Variants in SCN2A observed in about 807,000 individuals in gnomAD.
The protein encoded by SCN2A is sodium channel protein type 2 subunit alpha.
A neutral mutation model predicts 188.7 loss-of-function variants in SCN2A; 20 were observed. The observed-to-expected ratio is 0.11, with a 90% CI of 0.07 to 0.15. The LOEUF is 0.15. Among genes scored for constraint, SCN2A ranks in the 10% least tolerant of loss-of-function variants. The pLI is 1.00. For missense variants in SCN2A, 1,278 were observed against 2,445.0 expected, an observed-to-expected ratio of 0.52 and a Z score of 10.07; for synonymous variants, 804 against 833.1, an observed-to-expected ratio of 0.97 and a Z score of 0.60.
intron 20 of SCN2A, 73 bp downstream of exon 20, chr2:165,370,372 G>A (rs1306996886): frequency 7.0e-7 from 1 of 1,419,420 alleles, no homozygotes; most frequent in African/African-American, 1.4e-5. Context: ...GCCTGACACA[G>A]TGTAGGCACT....
chr2:165,363,672 A>G (rs1700576767), intron 17 of SCN2A, among the ~76,000 whole-genome samples: 1 of 152,174 alleles, frequency 6.6e-6, no homozygotes, highest in Non-Finnish European at 1.5e-5. Context: ...GAACAAATAT[A>G]TTCAAATTTT....
In SCN2A at chr2:165,344,672, A is replaced by G; in HGVS notation, c.2680A>G (p.Ile894Val). Residue 894 changes from isoleucine (I) to valine (V), a missense_variant, in exon 16 of 27, where the codon ATT becomes GTT. By Grantham distance (29) the Ile-to-Val change is conservative. Coordinates refer to ENST00000375437, the MANE Select transcript of SCN2A (RefSeq NM_001040142.2). ...LTLVLAIIVF[I>V]FAVVGMQLFG... ...CTTGGTATTGGCCATCATCGTCTTC[A>G]TTTTTGCTGTGGTCGGCATGCAGCT... 6.2e-7 allele frequency: 1 copy of G among 1,614,052 alleles called. No individual in the cohort carries two copies. The highest frequency in any genetic ancestry group is 8.5e-7 in the Non-Finnish European group (1 of 1,180,008).
At chr2:165,379,952 CAG>C (rs1163633668) in intron 23 of SCN2A, among the ~76,000 whole-genome samples, 1 of 151,790 alleles carries the variant, frequency 6.6e-6, no homozygotes, top group Non-Finnish European at 1.5e-5. Context: ...GTTACAGAAA[CAG>C]TCCCTACTGA....
intron 10 of SCN2A, 53 bp downstream of exon 10, chr2:165,314,161 C>T: frequency 6.4e-7 from 1 of 1,565,772 alleles, no homozygotes; most frequent in South Asian, 1.1e-5. Context: ...AATTCTTTAA[C>T]CTAAATGTTG....
chr2:165,316,629 G>A (rs1028159909), intron 11 of SCN2A, among the ~76,000 whole-genome samples: 1 of 152,106 alleles, frequency 6.6e-6, no homozygotes, highest in African/African-American at 2.4e-5. Context: ...CAATATTAAT[G>A]CATTAAGCCT....
chr2:165,241,914 G>A (rs540610449), intron 1 of SCN2A, among the ~76,000 whole-genome samples: 1 of 152,144 alleles, frequency 6.6e-6, no homozygotes, highest in Non-Finnish European at 1.5e-5. Flanking sequence ...CTTATTCCAG[G>A]TACATAGGTG....
At chr2:165,264,081 T>G (rs1207513186) in intron 1 of SCN2A, among the ~76,000 whole-genome samples, 2 of 152,120 alleles carry the variant, frequency 1.3e-5, no homozygotes, top group African/African-American at 2.4e-5. Flanking sequence ...AATTATGTCC[T>G]CAGCAAACAG....
intron 5 of SCN2A, chr2:165,309,098 C>G: frequency 1.3e-6 from 2 of 1,539,208 alleles, no homozygotes; most frequent in Non-Finnish European, 1.8e-6. Context: ...TTAAAAAGGT[C>G]TTGATGAAAG....
rs762766958 is a variant in SCN2A, at chr2:165,323,989, T to C, written c.2016+489T>C. Among the ~76,000 whole-genome samples the C allele has an allele frequency of 2.3e-4, 35 of 152,340 alleles. No individual in the cohort carries two copies. The Middle Eastern group carries it at 0.021, about 89-fold the overall frequency. On this transcript the variant is annotated intron_variant, in intron 12 of 26. Transcript: ENST00000375437. Reference sequence around the variant, plus strand: ...GCAGGTCAGAGTGTTGTAACCTTTTTAGCATCCACTCTAATGATCTCAACC... The same window carrying C: ...GCAGGTCAGAGTGTTGTAACCTTTTCAGCATCCACTCTAATGATCTCAACC...
At chr2:165,278,486 C>G (rs943931536) in intron 1 of SCN2A, among the ~76,000 whole-genome samples, 2 of 152,152 alleles carry the variant, frequency 1.3e-5, no homozygotes, top group African/African-American at 4.8e-5. Context: ...CTCATTATCA[C>G]AAGAACAGCA....
intron 16 of SCN2A, among the ~76,000 whole-genome samples, chr2:165,353,006 G>A (rs548601596): frequency 1.5e-4 from 22 of 150,102 alleles, no homozygotes; most frequent in African/African-American, 5.4e-4. Flanking sequence ...AAAATTATAT[G>A]ACTCAGTCTT....
chr2:165,372,984 A>G (rs554133732), intron 20 of SCN2A: 4 of 387,856 alleles, frequency 1.0e-5, no homozygotes, highest in Admixed American at 3.8e-5. Flanking sequence ...CTTCTTTTTT[A>G]TAAGTGTTCG....
intron 8 of SCN2A, among the ~76,000 whole-genome samples, chr2:165,312,379 A>G (rs1157396787): frequency 1.3e-5 from 2 of 152,148 alleles, no homozygotes; most frequent in African/African-American, 4.8e-5. Context: ...TAGAATTCTT[A>G]AGCACATACT....
intron 11 of SCN2A, 73 bp downstream of exon 11, chr2:165,315,831 G>C (rs960323292): frequency 6.5e-7 from 1 of 1,528,812 alleles, no homozygotes; most frequent in African/African-American, 1.4e-5. Flanking sequence ...TTAATGGAGA[G>C]AAAACCGCCT....
intron 1 of SCN2A, among the ~76,000 whole-genome samples, chr2:165,256,416 G>A (rs1255049714): frequency 6.6e-6 from 1 of 152,082 alleles, no homozygotes; most frequent in Non-Finnish European, 1.5e-5. Context: ...AACTGTGGTA[G>A]CCTTAGTTTT....
intron 1 of SCN2A, among the ~76,000 whole-genome samples, chr2:165,262,657 G>A (rs1024484462): frequency 6.6e-6 from 1 of 151,922 alleles, no homozygotes. Flanking sequence ...TGATTAATGG[G>A]CGTTTGGGCT....
chr2:165,370,358 T>C, intron 20 of SCN2A, 59 bp downstream of exon 20: 1 of 1,555,678 alleles, frequency 6.4e-7, no homozygotes, highest in Admixed American at 1.7e-5. Context: ...GTTCTAGCAA[T>C]GGTGCCTGAC....
intron 1 of SCN2A, chr2:165,270,260 T>C (rs966162124): frequency 2.0e-5 from 3 of 148,092 alleles, no homozygotes; most frequent in Non-Finnish European, 4.5e-5. Flanking sequence ...ATACTGAAAA[T>C]GTGCTCTTCC....
chr2:165,344,474 A>T, intron 15 of SCN2A, 81 bp from the exon 16 acceptor site: 3 of 876,082 alleles, frequency 3.4e-6, no homozygotes, highest in Non-Finnish European at 4.7e-6. Context: ...AAAATAAAAA[A>T]TAAAAAAATA....
Sources: allele counts gnomAD v4.1 joint callset (sites outside exome capture counted in the v4.1 genomes callset), GRCh38; gene constraint gnomAD v4.1.1; transcripts MANE v1.5; gene names NCBI Gene and HGNC (gene_info 2026-07-23, HGNC 2026-07-21).